The following MYO16 variants were observed in gnomAD, a reference collection of about 807,000 sequenced individuals.
MYO16 encodes myosin XVI.
In MYO16, 94 loss-of-function variants were observed where a neutral mutation model predicts 205.3. The observed-to-expected ratio is 0.46, with a 90% CI of 0.39 to 0.54. The LOEUF (loss-of-function observed/expected upper bound fraction) is 0.54, where lower values mean the gene tolerates loss of function less well. Among genes scored for constraint, MYO16 ranks in the 20% least tolerant of loss-of-function variants. The pLI, the probability that MYO16 is intolerant of heterozygous loss-of-function variation, is 0.00. For synonymous variants in MYO16, 988 were observed against 954.0 expected (o/e 1.04, Z -0.66); for missense variants, 2,315 against 2,387.5 (o/e 0.97, Z 0.63).
chr13:108,553,835 A>G, the MYO16 span, among the ~76,000 whole-genome samples: 1 of 152,182 alleles, frequency 6.6e-6, no homozygotes, highest in Admixed American at 6.5e-5. Flanking sequence ...GGGGTCAGTC[A>G]TCAAACTTCT....
intron 4 of MYO16, among the ~76,000 whole-genome samples, chr13:108,782,807 C>A (rs1399641292): frequency 6.6e-6 from 1 of 152,132 alleles, no homozygotes; most frequent in African/African-American, 2.4e-5. Context: ...GGGTGGAAGC[C>A]CCAAGCCTTG....
intron 25 of MYO16, chr13:109,054,155 A>G (rs1887339652): frequency 5.8e-6 from 1 of 171,418 alleles, no homozygotes; most frequent in African/African-American, 2.4e-5. Flanking sequence ...TCCGCCCTTT[A>G]TTTCTGCCCT....
chr13:108,734,449 T>A (rs892351057), intron 4 of MYO16, among the ~76,000 whole-genome samples: 6 of 152,198 alleles, frequency 3.9e-5, no homozygotes, highest in Non-Finnish European at 8.8e-5. Flanking sequence ...GATAATCATA[T>A]TTTCAACATA....
At chr13:108,559,259 G>T in the MYO16 span, among the ~76,000 whole-genome samples, 2 of 151,850 alleles carry the variant, frequency 1.3e-5, no homozygotes, top group African/African-American at 4.8e-5. Context: ...GACCACAGAG[G>T]CAGAGACTAG....
intron 12 of MYO16, among the ~76,000 whole-genome samples, chr13:108,868,544 T>C (rs1878840811): frequency 6.6e-6 from 1 of 152,192 alleles, no homozygotes; most frequent in Admixed American, 6.5e-5. Flanking sequence ...TCTCAATGCA[T>C]ATTGAAAACA....
intron 34 of MYO16, among the ~76,000 whole-genome samples, chr13:109,183,095 A>G (rs966698582): frequency 1.3e-5 from 2 of 152,246 alleles, no homozygotes; most frequent in African/African-American, 2.4e-5. Flanking sequence ...ATTAAACAGC[A>G]TTTATGAAAA....
chr13:108,836,690 G>A (rs1457837962), intron 9 of MYO16, among the ~76,000 whole-genome samples: 22 of 152,216 alleles, frequency 1.4e-4, no homozygotes, highest in Non-Finnish European at 7.3e-5. Context: ...GATGTGAGAC[G>A]TGGAGTCAAA....
At chr13:109,099,673 C>T (rs1267819841) in intron 27 of MYO16, among the ~76,000 whole-genome samples, 2 of 152,090 alleles carry the variant, frequency 1.3e-5, no homozygotes, top group Non-Finnish European at 2.9e-5. Flanking sequence ...ACTGTACTGC[C>T]GCACATGTGA....
intron 1 of MYO16, among the ~76,000 whole-genome samples, chr13:108,652,557 A>G (rs1338095338): frequency 6.6e-6 from 1 of 151,884 alleles, no homozygotes; most frequent in African/African-American, 2.4e-5. Context: ...TTCAACGTCA[A>G]CTCTCATCTT....
At chr13:108,922,746 G>GT (rs1284420056) in intron 16 of MYO16, among the ~76,000 whole-genome samples, 1 of 152,182 alleles carries the variant, frequency 6.6e-6, no homozygotes, top group African/African-American at 2.4e-5. Flanking sequence ...CAAAATGTGT[G>GT]TTTATGTGTG....
At chr13:109,184,850 C>A (rs113472290) in intron 34 of MYO16, among the ~76,000 whole-genome samples, 4 of 152,194 alleles carry the variant, frequency 2.6e-5, no homozygotes, top group African/African-American at 9.6e-5. Flanking sequence ...CTCACTGCAA[C>A]CTGCACCTCC....
the MYO16 span, among the ~76,000 whole-genome samples, chr13:108,577,519 C>A: frequency 6.6e-6 from 1 of 152,216 alleles, no homozygotes; most frequent in Non-Finnish European, 1.5e-5. Context: ...CCATCTGGAA[C>A]ACCACATCCA....
At chr13:108,717,653 G>A (rs1884000414) in intron 3 of MYO16, among the ~76,000 whole-genome samples, 1 of 135,864 alleles carries the variant, frequency 7.4e-6, no homozygotes, top group South Asian at 2.3e-4. Flanking sequence ...AAAAAAAATT[G>A]AGCCATAATG....
chr13:108,666,749 T>C (rs933831772), intron 2 of MYO16, among the ~76,000 whole-genome samples: 3 of 152,222 alleles, frequency 2.0e-5, no homozygotes, highest in African/African-American at 7.2e-5. Flanking sequence ...TGTGGTATCA[T>C]GTTTTTCTAA....
intron 14 of MYO16, among the ~76,000 whole-genome samples, chr13:108,891,368 G>A (rs533426008): frequency 3.9e-4 from 59 of 152,216 alleles, no homozygotes; most frequent in Admixed American, 1.2e-3. Flanking sequence ...CCAGTGTAGG[G>A]AAGACACATT....
intron 27 of MYO16, among the ~76,000 whole-genome samples, chr13:109,087,065 A>G (rs1269686553): frequency 3.3e-5 from 5 of 152,230 alleles, no homozygotes; most frequent in Non-Finnish European, 7.3e-5. Flanking sequence ...AGCAAACATA[A>G]TTCAGTTCAG....
At chr13:108,533,019 G>T in the MYO16 span, among the ~76,000 whole-genome samples, 2 of 151,988 alleles carry the variant, frequency 1.3e-5, no homozygotes, top group Non-Finnish European at 1.5e-5. Flanking sequence ...GAAAAGGTAT[G>T]GTTTGTTGAT....
At chr13:108,741,656 G>T (rs1013769189) in intron 4 of MYO16, among the ~76,000 whole-genome samples, 1 of 152,158 alleles carries the variant, frequency 6.6e-6, no homozygotes, top group Non-Finnish European at 1.5e-5. Flanking sequence ...TTATTTTGGG[G>T]TTACAAATAA....
chr13:109,003,033 C>T (rs1230407537), intron 21 of MYO16, among the ~76,000 whole-genome samples: 1 of 152,088 alleles, frequency 6.6e-6, no homozygotes, highest in African/African-American at 2.4e-5. Context: ...ACAATGAGTG[C>T]TTTGAACAGT....
Sources: gnomAD v4.1 joint callset for allele counts (sites outside exome capture counted in the v4.1 genomes callset) on GRCh38, gnomAD v4.1.1 for gene constraint, MANE v1.5 for transcripts, NCBI Gene and HGNC (gene_info 2026-07-23, HGNC 2026-07-21) for gene names.